The following DLG2 variants were observed in gnomAD, a reference collection of about 807,000 sequenced individuals.
DLG2 encodes the protein disks large homolog 2.
In DLG2, 45 loss-of-function variants were observed where a neutral mutation model predicts 132.5. The ratio of observed to expected loss-of-function variants is 0.34; its 90% CI spans 0.27 to 0.44. The LOEUF is 0.44. DLG2 is among the 20% of genes least tolerant of loss of function. The pLI, the probability that DLG2 is intolerant of heterozygous loss-of-function variation, is 1.00. For synonymous variants in DLG2, 424 were observed against 419.6 expected, an observed-to-expected ratio of 1.01 and a Z score of -0.13; for missense variants, 1,045 against 1,196.9, an observed-to-expected ratio of 0.87 and a Z score of 1.87.
At chr11:85,600,120 A>G (rs1591182202) in intron 2 of DLG2, among the ~76,000 whole-genome samples, 1 of 152,316 alleles carries the variant, frequency 6.6e-6, no homozygotes, top group East Asian at 1.9e-4. Flanking sequence ...AGCTCCTAAC[A>G]TAACATCTAC....
chr11:83,952,384 G>T (rs536211074), intron 14 of DLG2, among the ~76,000 whole-genome samples: 25 of 152,158 alleles, frequency 1.6e-4, no homozygotes, highest in African/African-American at 6.0e-4. Context: ...GACAGACTGG[G>T]AATAAAAAGC....
chr11:83,853,883 C>T (rs1044933782), intron 16 of DLG2, among the ~76,000 whole-genome samples: 2 of 152,040 alleles, frequency 1.3e-5, no homozygotes, highest in African/African-American at 4.8e-5. Flanking sequence ...CTAGTTAATA[C>T]AATCAGACAA....
Position 85,607,262 on chromosome 11 carries a change from A to G in DLG2, c.-92-8474T>C, listed in dbSNP as rs112814359. 7.2e-5 allele frequency among the ~76,000 whole-genome samples: 11 copies of G among 151,856 alleles called. 1 individual carries two copies. The highest frequency in any genetic ancestry group is 2.4e-4 in the African/African-American group (10 of 41,392). On this transcript the variant is annotated intron_variant, in intron 2 of 27. Coordinates refer to ENST00000376104, the MANE Select transcript of DLG2 (RefSeq NM_001142699.3). Reference sequence around the variant, plus strand: ...GGAAAGGGCTCTCTAACAAACCCCGACTCTTCAGAGTTGGGAGCATTGGTT... The same window carrying G: ...GGAAAGGGCTCTCTAACAAACCCCGGCTCTTCAGAGTTGGGAGCATTGGTT...
intron 4 of DLG2, among the ~76,000 whole-genome samples, chr11:85,227,721 A>C (rs2075059504): frequency 6.6e-6 from 1 of 152,080 alleles, no homozygotes; most frequent in East Asian, 1.9e-4. Context: ...CATCTCATTC[A>C]GAGAAAAATC....
At chr11:83,888,613 T>C (rs559751260) in intron 15 of DLG2, among the ~76,000 whole-genome samples, 4 of 152,258 alleles carry the variant, frequency 2.6e-5, no homozygotes, top group East Asian at 3.9e-4. Context: ...AAAGTTCATA[T>C]GGAACCAAAA....
chr11:84,650,863 GTGTGTGTGTGTATATA>G (rs1179106548), intron 6 of DLG2, among the ~76,000 whole-genome samples: 6 of 92,250 alleles, frequency 6.5e-5, no homozygotes, highest in African/African-American at 1.4e-4. Flanking sequence ...GTGTGTGTGT[GTGTGTGTGTGTATATA>G]TATATATATA....
In DLG2 at chr11:85,216,700, C is replaced by CT. The variant is rs71465024; in HGVS notation, c.187-62050dup. ...AGAAGCACCCTTATGGTTAAAATAC[C>CT]TTTTTTTTTTCTTGGAGACAGAGTC... On this transcript the variant is annotated intron_variant, in intron 4 of 27. Transcript: ENST00000376104. Among the ~76,000 whole-genome samples, 414 of 149,254 alleles carry CT rather than the reference C, an allele frequency of 2.8e-3. 2 individuals are homozygous for CT. Among genetic ancestry groups the CT allele is most frequent in the African/African-American group, 9.3e-3 (379 of 40,734 alleles).
chr11:84,797,122 C>T (rs1420447474), intron 6 of DLG2, among the ~76,000 whole-genome samples: 3 of 152,168 alleles, frequency 2.0e-5, no homozygotes, highest in Admixed American at 6.5e-5. Context: ...GCTGGGATTA[C>T]AGGCGTGAGC....
intron 18 of DLG2, among the ~76,000 whole-genome samples, chr11:83,663,892 A>G (rs1253425119): frequency 6.6e-6 from 1 of 152,238 alleles, no homozygotes; most frequent in East Asian, 1.9e-4. Context: ...AGATTGAGGC[A>G]CTGAAAACTA....
chr11:85,080,907 T>C (rs1297458035), intron 6 of DLG2, among the ~76,000 whole-genome samples: 1 of 152,104 alleles, frequency 6.6e-6, no homozygotes, highest in Non-Finnish European at 1.5e-5. Context: ...AGAGTTAATT[T>C]AGGATTTGAA....
At chr11:85,402,799 C>G (rs1221940932) in intron 3 of DLG2, among the ~76,000 whole-genome samples, 1 of 152,184 alleles carries the variant, frequency 6.6e-6, no homozygotes, top group African/African-American at 2.4e-5. Context: ...GAGATGCCAT[C>G]TCACGCCAGT....
At chr11:84,793,091 T>C (rs1026939091) in intron 6 of DLG2, among the ~76,000 whole-genome samples, 3 of 152,118 alleles carry the variant, frequency 2.0e-5, no homozygotes, top group African/African-American at 7.2e-5. Context: ...CTGTATCCCA[T>C]AGGTTTTGGT....
intron 6 of DLG2, among the ~76,000 whole-genome samples, chr11:85,004,596 T>C (rs775804482): frequency 1.6e-4 from 25 of 152,174 alleles, no homozygotes; most frequent in Non-Finnish European, 3.1e-4. Flanking sequence ...GTTTATATTA[T>C]TTGTAGATTC....
intron 3 of DLG2, among the ~76,000 whole-genome samples, chr11:85,304,944 C>T (rs572096863): frequency 3.3e-5 from 5 of 152,246 alleles, no homozygotes; most frequent in African/African-American, 2.4e-5. Context: ...TTAGAACATA[C>T]GCTCCATGAG....
chr11:85,545,238 T>C (rs923163676), intron 3 of DLG2, among the ~76,000 whole-genome samples: 2 of 152,194 alleles, frequency 1.3e-5, no homozygotes, highest in African/African-American at 4.8e-5. Context: ...CTGCATCTAT[T>C]GAGACAATCA....
chr11:84,150,141 A>G (rs1186948831), intron 9 of DLG2, among the ~76,000 whole-genome samples: 1 of 151,970 alleles, frequency 6.6e-6, no homozygotes, highest in African/African-American at 2.4e-5. Context: ...TTTGTAAACC[A>G]CTCTGGTCAG....
At chr11:83,535,340 A>C (rs1167977853) in intron 20 of DLG2, among the ~76,000 whole-genome samples, 1 of 152,204 alleles carries the variant, frequency 6.6e-6, no homozygotes, top group African/African-American at 2.4e-5. Flanking sequence ...TAAATTCTGC[A>C]TAAACCCACA....
At chr11:84,098,309 G>A (rs2154178249) in intron 10 of DLG2, among the ~76,000 whole-genome samples, 1 of 152,232 alleles carries the variant, frequency 6.6e-6, no homozygotes, top group East Asian at 1.9e-4. Flanking sequence ...AAAGTGCTGG[G>A]ATTATAGGCG....
At position 83,689,903 on chromosome 11, in the gene DLG2, T is replaced by TA. The variant is rs1346573412; in HGVS notation, c.1826-56579_1826-56578insT. Among the ~76,000 whole-genome samples the TA allele has an allele frequency of 5.2e-3, 753 of 145,252 alleles. 3 individuals are homozygous for TA. Among genetic ancestry groups the TA allele is most frequent in the African/African-American group, 0.018 (711 of 39,626 alleles). ...CATAATTGATATTTACATAAATATA[T>TA]TTATGTAAATATTATATATTTACAT... On this transcript the variant is annotated intron_variant, in intron 18 of 27. Transcript: ENST00000376104.
Sources: allele counts gnomAD v4.1 joint callset (sites outside exome capture counted in the v4.1 genomes callset), GRCh38; gene constraint gnomAD v4.1.1; transcripts MANE v1.5; gene names NCBI Gene and HGNC (gene_info 2026-07-23, HGNC 2026-07-21).